DOCK1: variants seen among roughly 807,000 people sequenced by gnomAD.
DOCK1 encodes dedicator of cytokinesis protein 1.
A neutral mutation model predicts 262.7 loss-of-function variants in DOCK1; 138 were observed. The observed-to-expected ratio is 0.53, with a 90% CI of 0.46 to 0.61. The LOEUF is 0.61. Among genes scored for constraint, DOCK1 ranks in the 20% least tolerant of loss-of-function variants. The pLI, the probability that DOCK1 is intolerant of heterozygous loss-of-function variation, is 0.00. For missense variants in DOCK1, 1,908 were observed against 2,370.7 expected, an observed-to-expected ratio of 0.80 and a Z score of 4.05; for synonymous variants, 866 against 867.4, an observed-to-expected ratio of 1.00 and a Z score of 0.03.
intron 28 of DOCK1, among the ~76,000 whole-genome samples, chr10:127,252,018 C>T (rs1190692777): frequency 1.3e-5 from 2 of 151,816 alleles, no homozygotes; most frequent in Non-Finnish European, 1.5e-5. Flanking sequence ...TAAAAGTGTT[C>T]CTATTTCTCC....
chr10:126,999,308 C>T (rs949983365), intron 8 of DOCK1, 46 bp from the exon 9 acceptor site: 4 of 1,484,754 alleles, frequency 2.7e-6, no homozygotes, highest in South Asian at 2.3e-5. Flanking sequence ...ATTTGGTACC[C>T]TGTTATTTGG....
At chr10:127,283,132 G>T (rs75750665) in intron 29 of DOCK1, among the ~76,000 whole-genome samples, 1 of 152,236 alleles carries the variant, frequency 6.6e-6, no homozygotes, top group African/African-American at 2.4e-5. Context: ...CTGGAAGGAG[G>T]CCTTGAAGGC....
intron 29 of DOCK1, among the ~76,000 whole-genome samples, chr10:127,325,513 G>A (rs2062714484): frequency 6.6e-6 from 1 of 152,168 alleles, no homozygotes; most frequent in Non-Finnish European, 1.5e-5. Context: ...CAGCCAACTG[G>A]TCAGTGGTAC....
chr10:127,289,548 T>C (rs2135352533), intron 29 of DOCK1, among the ~76,000 whole-genome samples: 1 of 152,292 alleles, frequency 6.6e-6, no homozygotes, highest in South Asian at 2.1e-4. Context: ...TTGAATGCCA[T>C]AAGGTTATTG....
chr10:127,429,617 T>C (rs867691255), intron 47 of DOCK1, among the ~76,000 whole-genome samples: 6 of 152,234 alleles, frequency 3.9e-5, no homozygotes, highest in African/African-American at 1.2e-4. Context: ...GACTTCTCGA[T>C]ACCCAGGCCC....
intron 29 of DOCK1, among the ~76,000 whole-genome samples, chr10:127,296,273 C>G (rs2061501814): frequency 1.3e-5 from 2 of 152,218 alleles, no homozygotes; most frequent in African/African-American, 4.8e-5. Flanking sequence ...CAGTTACTCA[C>G]AAGGGAAGGC....
At chr10:127,368,020 T>G (rs910821801) in intron 33 of DOCK1, among the ~76,000 whole-genome samples, 4 of 152,158 alleles carry the variant, frequency 2.6e-5, no homozygotes, top group Non-Finnish European at 5.9e-5. Context: ...TTGTGCCACT[T>G]CCCTGCCCTG....
intron 27 of DOCK1, chr10:127,153,775 G>T: frequency 1.7e-6 from 2 of 1,143,932 alleles, no homozygotes; most frequent in Non-Finnish European, 2.6e-6. Flanking sequence ...CATGGCCCCA[G>T]ATCGTTCTTG....
At chr10:127,143,594 G>C (rs2051485415) in intron 27 of DOCK1, among the ~76,000 whole-genome samples, 1 of 152,178 alleles carries the variant, frequency 6.6e-6, no homozygotes, top group Admixed American at 6.5e-5. Context: ...GGTAGGACCA[G>C]CCATGTCCCC....
At chr10:127,427,313 G>A (rs938888160) in intron 47 of DOCK1, among the ~76,000 whole-genome samples, 4 of 152,218 alleles carry the variant, frequency 2.6e-5, no homozygotes, top group African/African-American at 9.6e-5. Context: ...GTCGAGTGGG[G>A]TGTGCCATTT....
intron 5 of DOCK1, 120 bp from the exon 6 acceptor site, chr10:126,990,335 A>T: frequency 9.7e-7 from 1 of 1,029,106 alleles, no homozygotes; most frequent in Non-Finnish European, 1.3e-6. Flanking sequence ...TTCAACATTA[A>T]CTAAATCTCA....
chr10:127,046,833 T>G (rs191321351), intron 21 of DOCK1, among the ~76,000 whole-genome samples: 5 of 151,930 alleles, frequency 3.3e-5, no homozygotes, highest in Non-Finnish European at 7.4e-5. Context: ...CATCCATAAT[T>G]GCAGTGAAGG....
At chr10:126,978,110 A>G in intron 3 of DOCK1, 122 bp downstream of exon 3, 1 of 945,964 alleles carries the variant, frequency 1.1e-6, no homozygotes, top group Non-Finnish European at 1.7e-6. Context: ...TGAATTTAAA[A>G]AAATATATGG....
At chr10:127,433,101 A>G (rs1003634530) in intron 47 of DOCK1, among the ~76,000 whole-genome samples, 182 bp from the exon 48 acceptor site, 2 of 152,236 alleles carry the variant, frequency 1.3e-5, no homozygotes, top group Non-Finnish European at 2.9e-5. Context: ...GTTAGGTTTT[A>G]AAAGACTCAA....
intron 23 of DOCK1, among the ~76,000 whole-genome samples, chr10:127,088,509 AAT>A (rs2047330088): frequency 6.6e-6 from 1 of 152,150 alleles, no homozygotes; most frequent in South Asian, 2.1e-4. Context: ...TATTGAAATT[AAT>A]CTCTTGTTTC....
intron 29 of DOCK1, among the ~76,000 whole-genome samples, chr10:127,265,876 A>G (rs542898158): frequency 1.3e-5 from 2 of 152,378 alleles, no homozygotes; most frequent in South Asian, 4.1e-4. Context: ...CCAGTTCCTT[A>G]AGGATAAGTC....
rs537453071 is a variant in DOCK1 at position 127,316,118 on chromosome 10, C to T, written c.3045-22888C>T. Among the ~76,000 whole-genome samples the T allele has an allele frequency of 3.9e-4, 60 of 152,254 alleles. No individual in the cohort carries two copies. The South Asian group carries it at 0.012, about 29-fold the overall frequency. On this transcript the variant is annotated intron_variant, in intron 29 of 51. Coordinates refer to ENST00000623213, the MANE Select transcript of DOCK1 (RefSeq NM_001290223.2). ...TGATGGCTACCTTCCAGTAAATTCA[C>T]GTATCCATCATCTCACATAGTTACC...
chr10:127,420,132 G>T (rs2068411874), intron 46 of DOCK1, among the ~76,000 whole-genome samples: 1 of 152,230 alleles, frequency 6.6e-6, no homozygotes, highest in South Asian at 2.1e-4. Context: ...CCTGTGAAAC[G>T]CATGTACGTC....
intron 27 of DOCK1, among the ~76,000 whole-genome samples, chr10:127,135,028 C>A (rs1007598748): frequency 6.6e-6 from 1 of 152,200 alleles, no homozygotes; most frequent in South Asian, 2.1e-4. Context: ...AATGGAAGAT[C>A]TAGAGAGAAG....
Sources: gnomAD v4.1 joint callset for allele counts (sites outside exome capture counted in the v4.1 genomes callset) on GRCh38, gnomAD v4.1.1 for gene constraint, MANE v1.5 for transcripts, NCBI Gene and HGNC (gene_info 2026-07-23, HGNC 2026-07-21) for gene names.